Variants in HUNK observed in about 807,000 individuals in gnomAD.
The protein encoded by HUNK is hormonally up-regulated neu tumor-associated kinase.
HUNK carries 21 observed loss-of-function variants against 61.0 expected under a neutral mutation model. That is an observed-to-expected ratio of 0.34 (90% CI 0.24 to 0.50). The LOEUF (loss-of-function observed/expected upper bound fraction) is 0.50. Among genes scored for constraint, HUNK ranks in the 20% least tolerant of loss-of-function variants. The pLI, the probability that HUNK is intolerant of heterozygous loss-of-function variation, is 0.98. For missense variants in HUNK, 772 were observed against 945.7 expected, an observed-to-expected ratio of 0.82 and a Z score of 2.41; for synonymous variants, 371 against 386.1, an observed-to-expected ratio of 0.96 and a Z score of 0.46.
At position 31,890,720 on chromosome 21, in the gene HUNK, G is replaced by A. The variant is rs116653681; in HGVS notation, c.261+16785G>A. Among the ~76,000 whole-genome samples the A allele has an allele frequency of 1.3e-3, 199 of 152,138 alleles. 1 individual carries two copies. The highest frequency in any genetic ancestry group is 4.6e-3 in the African/African-American group (193 of 41,512). The stretch of plus-strand genomic sequence containing the variant: ...GAGTCATTCCTTAACATAAATACTT[G>A]GAAGGCTTTTGACATATTGCCACAT... On this transcript the variant is annotated intron_variant, in intron 1 of 10. Coordinates refer to ENST00000270112, the MANE Select transcript of HUNK (RefSeq NM_014586.2).
chr21:31,978,230 T>G (rs887794551), intron 7 of HUNK, among the ~76,000 whole-genome samples: 7 of 152,234 alleles, frequency 4.6e-5, no homozygotes, highest in African/African-American at 1.7e-4. Flanking sequence ...ATATTTATCC[T>G]GTACAACATG....
chr21:31,960,660 G>C (rs1320748008), intron 5 of HUNK, among the ~76,000 whole-genome samples: 4 of 152,172 alleles, frequency 2.6e-5, no homozygotes, highest in East Asian at 1.9e-4. Flanking sequence ...TGGTGGCAGG[G>C]AAGAGCGCTT....
chr21:31,999,289 T>C lies in HUNK; in HGVS notation c.*105T>C, dbSNP rs367647275. The C allele has an allele frequency of 4.9e-5, 50 of 1,015,320 alleles. No individual in the cohort carries two copies. The African/African-American group carries it at 6.6e-4, about 13-fold the overall frequency. 62.9% of individuals were successfully genotyped at this position (1,015,320 alleles called of 1,614,324 possible). On this transcript the variant is annotated 3_prime_UTR_variant, in exon 11 of 11. Coordinates refer to ENST00000270112, the MANE Select transcript of HUNK (RefSeq NM_014586.2). ...TCCAAGGCCTCGCGTGGAGCATCCT[T>C]AGTCCCACCTGTAGCTGAATCCACA...
chr21:31,903,546 G>A (rs539569497), intron 1 of HUNK, among the ~76,000 whole-genome samples: 25 of 152,216 alleles, frequency 1.6e-4, no homozygotes, highest in East Asian at 5.8e-4. Flanking sequence ...ACAGCTAGGC[G>A]GTTGACTAAA....
chr21:31,983,459 A>C, intron 7 of HUNK, 67 bp from the exon 8 acceptor site: 1 of 1,273,770 alleles, frequency 7.9e-7, no homozygotes, highest in East Asian at 2.3e-5. Flanking sequence ...TTAAAAATTA[A>C]TGACTGCTTA....
chr21:31,994,116 A>G (rs1304300744), intron 9 of HUNK, among the ~76,000 whole-genome samples: 1 of 152,242 alleles, frequency 6.6e-6, no homozygotes, highest in East Asian at 1.9e-4. Context: ...TCATGCCCTC[A>G]GTGCAGTGTC....
chr21:31,873,950 C>A lies in HUNK; in HGVS notation c.261+15C>A, dbSNP rs778478686. The A allele has an allele frequency of 2.7e-6, 4 of 1,484,608 alleles. No individual in the cohort carries two copies. The highest frequency in any genetic ancestry group is 5.5e-5 in the East Asian group (2 of 36,506). 92.0% of individuals were successfully genotyped at this position (1,484,608 alleles called of 1,614,324 possible). A position where few individuals can be genotyped will look rare whatever the true frequency, so the allele number is the denominator to read the frequency against. On this transcript the variant is annotated intron_variant, in intron 1 of 10. Coordinates refer to ENST00000270112, the MANE Select transcript of HUNK (RefSeq NM_014586.2). This position sits in a 1 kb window ranked among gnomAD's most constrained non-coding sequence, Gnocchi z 6.1. Reference sequence around the variant, plus strand: ...CCGGGGAGAAGGTGAGTCTCCCGGGCGCCGTGGGGCTGGGGCACAGGGGCG... The same window carrying A: ...CCGGGGAGAAGGTGAGTCTCCCGGGAGCCGTGGGGCTGGGGCACAGGGGCG...
intron 1 of HUNK, among the ~76,000 whole-genome samples, chr21:31,905,525 ACACGTGTGTGCAAAC>A (rs2052499144): frequency 6.6e-6 from 1 of 152,204 alleles, no homozygotes; most frequent in Non-Finnish European, 1.5e-5. Flanking sequence ...CACCATGTGC[ACACGTGTGTGCAAAC>A]CTGCGCCCAC....
At chr21:31,903,918 T>G (rs2052487175) in intron 1 of HUNK, among the ~76,000 whole-genome samples, 1 of 152,242 alleles carries the variant, frequency 6.6e-6, no homozygotes, top group Non-Finnish European at 1.5e-5. Flanking sequence ...TTTTGTTTTC[T>G]GATAGCTGAT....
At chr21:31,966,032 A>C (rs954183913) in intron 5 of HUNK, among the ~76,000 whole-genome samples, 1 of 152,118 alleles carries the variant, frequency 6.6e-6, no homozygotes, top group African/African-American at 2.4e-5. Flanking sequence ...CACTGTACCC[A>C]ATGTGTAGTC....
rs3056146 is a variant in HUNK at position 31,917,695 on chromosome 21, TACACACACACACAC to T, written c.262-6724_262-6711del. 7.2e-3 allele frequency among the ~76,000 whole-genome samples: 686 copies of T among 94,944 alleles called. 12 individuals carry two copies. The highest frequency in any genetic ancestry group is 6.0e-3 in the Middle Eastern group (1 of 168). The allele number at this position is 94,944 out of a possible 152,430, so 62.3% of individuals were successfully genotyped here. ...CTCCTGAAACTCCCATTCCCAAACA[TACACACACACACAC>T]ACACACACACACACACACACACACA... On this transcript the variant is annotated intron_variant, in intron 1 of 10. Transcript: ENST00000270112.
rs1391252731 is a variant in HUNK, at chr21:31,873,516, G to T, written c.-159G>T. ...CTACGCGCCTCGCTGGGCGGCGCGG[G>T]GGGCGTGATCGCGGCGGCCCCGGGC... On this transcript the variant is annotated 5_prime_UTR_variant, in exon 1 of 11. Transcript: ENST00000270112. This position sits in a 1 kb window ranked among gnomAD's most constrained non-coding sequence, Gnocchi z 6.1. The T allele has an allele frequency of 3.4e-5, 15 of 444,262 alleles. No individual in the cohort carries two copies. The highest frequency in any genetic ancestry group is 4.5e-5 in the Non-Finnish European group (15 of 335,304). The allele number at this position is 444,262 out of a possible 1,614,324, so 27.5% of individuals were successfully genotyped here.
intron 8 of HUNK, among the ~76,000 whole-genome samples, chr21:31,988,410 G>A (rs1252993452): frequency 1.3e-5 from 2 of 152,176 alleles, no homozygotes; most frequent in Admixed American, 6.5e-5. Flanking sequence ...AGTAATGTTG[G>A]CGTTTTGGAA....
chr21:31,897,390 T>C (rs1227393471), intron 1 of HUNK, among the ~76,000 whole-genome samples: 1 of 152,244 alleles, frequency 6.6e-6, no homozygotes, highest in Non-Finnish European at 1.5e-5. Flanking sequence ...AAAGGCTCTT[T>C]CCAGGCCTGT....
At position 32,003,506 on chromosome 21, in the gene HUNK, G is replaced by C. The variant is rs1568947860; in HGVS notation, c.*4322G>C. 1 of 152,174 alleles carries C rather than the reference G, an allele frequency of 6.6e-6. No individual in the cohort carries two copies. The highest frequency in any genetic ancestry group is 2.4e-5 in the African/African-American group (1 of 41,428). 9.4% of individuals were successfully genotyped at this position (152,174 alleles called of 1,614,324 possible). A position where few individuals can be genotyped will look rare whatever the true frequency, so the allele number is the denominator to read the frequency against. On this transcript the variant is annotated 3_prime_UTR_variant, in exon 11 of 11. Transcript: ENST00000270112. ...TTTTGGGGGAGTCTGGAAGCCTGTT[G>C]GTTAGTGTATTTATTTTCTTTGTGG... is the stretch of plus-strand genomic sequence containing the variant.
At chr21:31,920,590 T>C (rs1168452848) in intron 1 of HUNK, among the ~76,000 whole-genome samples, 2 of 152,186 alleles carry the variant, frequency 1.3e-5, no homozygotes, top group Non-Finnish European at 2.9e-5. Flanking sequence ...ATATGAAATA[T>C]GTGTGTGTCT....
At chr21:31,988,463 T>G (rs936134979) in intron 8 of HUNK, among the ~76,000 whole-genome samples, 1 of 152,196 alleles carries the variant, frequency 6.6e-6, no homozygotes, top group African/African-American at 2.4e-5. Context: ...ATTCGTCTGC[T>G]TGGCTGCTCT....
chr21:31,914,106 A>T (rs2052565072), intron 1 of HUNK, among the ~76,000 whole-genome samples: 1 of 152,006 alleles, frequency 6.6e-6, no homozygotes, highest in Admixed American at 6.6e-5. Flanking sequence ...GTGGAAGAGG[A>T]ACTGTAAGAC....
At chr21:31,946,390 A>C (rs1029880073) in intron 4 of HUNK, among the ~76,000 whole-genome samples, 5 of 152,036 alleles carry the variant, frequency 3.3e-5, no homozygotes, top group African/African-American at 1.2e-4. Flanking sequence ...TGCGGTGCTG[A>C]GAAGAGAAGA....
Sources: allele counts gnomAD v4.1 joint callset (sites outside exome capture counted in the v4.1 genomes callset), GRCh38; gene constraint gnomAD v4.1.1; non-coding constraint Gnocchi (gnomAD v3.1); transcripts MANE v1.5; gene names NCBI Gene and HGNC (gene_info 2026-07-23, HGNC 2026-07-21).